The following NEB variants were observed in gnomAD, a reference collection of about 807,000 sequenced individuals.
NEB encodes the protein nebulin.
In NEB, 512 loss-of-function variants were observed where a neutral mutation model predicts 952.2. The ratio of observed to expected loss-of-function variants is 0.54; its 90% CI spans 0.50 to 0.58. The LOEUF (loss-of-function observed/expected upper bound fraction) is 0.58. Ranked by LOEUF, NEB falls within the 20% of genes least tolerant of loss-of-function variation. The probability of loss-of-function intolerance (pLI) is 0.00; values close to 1 mark genes in which losing one functional copy is unlikely to be tolerated. For missense variants in NEB, 8,428 were observed against 9,231.1 expected, an observed-to-expected ratio of 0.91 and a Z score of 3.56; for synonymous variants, 2,900 against 3,149.8, an observed-to-expected ratio of 0.92 and a Z score of 2.66.
chr2:151,615,928 C>G (rs891454067), intron 76 of NEB, 74 bp downstream of exon 76: 1 of 1,150,624 alleles, frequency 8.7e-7, no homozygotes, highest in South Asian at 1.4e-5. Flanking sequence ...AAATTTCTAG[C>G]AAGAAAAACT....
intron 64 of NEB, 25 bp downstream of exon 64, chr2:151,636,202 A>G: frequency 1.3e-6 from 2 of 1,568,806 alleles, no homozygotes; most frequent in South Asian, 1.1e-5. Flanking sequence ...TTGATCACAT[A>G]CTCAGAATGG....
At chr2:151,496,436 G>A (rs2060217404) in intron 172 of NEB, 68 bp from the exon 173 acceptor site, 10 of 1,521,664 alleles carry the variant, frequency 6.6e-6, no homozygotes, top group Non-Finnish European at 8.9e-6. Flanking sequence ...AGGTTTTAAG[G>A]GTAAGGTCAA....
chr2:151,726,439 A>G (rs540111651), intron 5 of NEB, among the ~76,000 whole-genome samples: 24 of 152,348 alleles, frequency 1.6e-4, no homozygotes, highest in Non-Finnish European at 1.5e-4. Flanking sequence ...GTATTGCTCA[A>G]CCTCAATAGG....
At chr2:151,698,766 T>A (rs1023862183) in intron 13 of NEB, among the ~76,000 whole-genome samples, 1 of 151,630 alleles carries the variant, frequency 6.6e-6, no homozygotes, top group African/African-American at 2.4e-5. Context: ...GCCTCCCGAG[T>A]AGCTGGGACT....
At chr2:151,620,347 GTA>G (rs71000481) in intron 72 of NEB, among the ~76,000 whole-genome samples, 3,458 of 47,882 alleles carry the variant, frequency 0.072, 53 homozygotes, top group South Asian at 0.085. Flanking sequence ...GTATGTGTGT[GTA>G]TATATATATA....
At position 151,540,737 on chromosome 2, in the gene NEB, G is replaced by A; in HGVS notation, c.20747C>T (p.Ala6916Val). The change falls in exon 137 of 182, where the codon GCC becomes GTC. Residue 6916 changes from alanine (A) to valine (V), a missense_variant. Physicochemically the swap from Ala to Val is moderately conservative, Grantham distance 64 (BLOSUM62 0). Around this residue, in one of 11 missense-constraint regions of NEB, gnomAD observed 3,374 missense variants for 3,651.5 expected, o/e 0.92. Coordinates refer to ENST00000397345, the MANE Select transcript of NEB (RefSeq NM_001164508.2). The part of the protein sequence containing the change: ...PHHHAGNQTT[A>V]LKHAKDVKDM... The stretch of plus-strand genomic sequence containing the variant: ...CTTCACGTCTTTAGCATGCTTCAAG[G>A]CTGTGGTCTGGTTTCCAGCGTGATG... 6.2e-7 allele frequency: 1 copy of A among 1,613,596 alleles called. No homozygotes were observed. The highest frequency in any genetic ancestry group is 8.5e-7 in the Non-Finnish European group (1 of 1,179,660).
chr2:151,655,850 C>G lies in NEB; in HGVS notation c.6669G>C (p.Val2223=). ...TGGTATGTGCATTCTGCTTGGCAAG[C>G]ACCATGTCCATGGAATCAGTCAGCT... is the stretch of plus-strand genomic sequence containing the variant. ...FKKLTDSMDM[V]LAKQNAHTMN... is the part of the protein sequence containing the mutation. Residue 2223 remains valine (V), a synonymous_variant, in exon 50 of 182, where the codon GTG becomes GTC. Transcript: ENST00000397345. 1 of 1,613,692 alleles carries G rather than the reference C, an allele frequency of 6.2e-7. No individual in the cohort carries two copies. The highest frequency in any genetic ancestry group is 8.5e-7 in the Non-Finnish European group (1 of 1,179,758).
At chr2:151,668,182 A>G (rs1361780944) in intron 39 of NEB, among the ~76,000 whole-genome samples, 1 of 152,178 alleles carries the variant, frequency 6.6e-6, no homozygotes. Context: ...TGACTGTTGG[A>G]TAACAGAAGG....
chr2:151,495,286 T>C (rs1186476261), intron 173 of NEB: 1 of 152,196 alleles, frequency 6.6e-6, no homozygotes, highest in East Asian at 1.9e-4. Context: ...AAGAATTCTG[T>C]TGAAATAGTG....
At chr2:151,504,055 A>G (rs2066900703) in intron 165 of NEB, among the ~76,000 whole-genome samples, 1 of 152,158 alleles carries the variant, frequency 6.6e-6, no homozygotes, top group Non-Finnish European at 1.5e-5. Context: ...ATTTTTTAGT[A>G]GTAGTATCTA....
intron 130 of NEB, 47 bp downstream of exon 130, chr2:151,549,589 T>C (rs755028230): frequency 8.7e-5 from 110 of 1,267,574 alleles, no homozygotes; most frequent in Non-Finnish European, 1.2e-4. Flanking sequence ...ATGAGTCTCC[T>C]GCCACCCCAC....
intron 153 of NEB, among the ~76,000 whole-genome samples, chr2:151,523,226 A>C (rs536803104): frequency 7.9e-4 from 121 of 152,318 alleles, no homozygotes; most frequent in African/African-American, 2.7e-3. Flanking sequence ...ATACTTATAC[A>C]ATTCCATTAA....
chr2:151,698,865 CTT>C (rs1245395824), intron 13 of NEB, among the ~76,000 whole-genome samples: 3 of 144,680 alleles, frequency 2.1e-5, no homozygotes, highest in African/African-American at 2.5e-5. Context: ...GTCTCCATCT[CTT>C]TTTTTTTTTT....
chr2:151,609,836 T>G lies in NEB; in HGVS notation c.12303A>C (p.Ala4101=), dbSNP rs1553882764. Residue 4101 remains alanine (A), a synonymous_variant, in exon 81 of 182, where the codon GCA becomes GCC. Transcript: ENST00000397345. The part of the protein sequence containing the change: ...CMPDQNDIIQ[A]KKAYDLQSDS... ...CACTCTGCAGGTCATAGGCCTTTTT[T>G]GCTTGGATAATGTCGTTTTGATCCG... The G allele has an allele frequency of 2.5e-6, 4 of 1,597,826 alleles. No homozygotes were observed. The highest frequency in any genetic ancestry group is 3.4e-6 in the Non-Finnish European group (4 of 1,170,566).
chr2:151,528,492 C>A (rs1057295394), intron 146 of NEB, among the ~76,000 whole-genome samples: 2 of 152,136 alleles, frequency 1.3e-5, no homozygotes, highest in Non-Finnish European at 2.9e-5. Context: ...ACTGCATTTG[C>A]TTTATCTCAC....
intron 71 of NEB, among the ~76,000 whole-genome samples, chr2:151,621,879 T>C (rs978842074): frequency 6.6e-6 from 1 of 152,240 alleles, no homozygotes; most frequent in Non-Finnish European, 1.5e-5. Flanking sequence ...ATAATAATTT[T>C]TAAACATAAA....
chr2:151,687,291 C>T (rs1202787643), intron 27 of NEB, 128 bp downstream of exon 27: 1 of 768,460 alleles, frequency 1.3e-6, no homozygotes, highest in South Asian at 1.8e-5. Flanking sequence ...AAGTTCTCTA[C>T]AGCAGTACTT....
Position 151,627,610 on chromosome 2 carries a change from G to C in NEB, c.10056C>G (p.Asp3352Glu), listed in dbSNP as rs1344960458. 3 of 1,613,996 alleles carry C rather than the reference G, an allele frequency of 1.9e-6. No homozygotes were observed. The East Asian group carries it at 6.7e-5, about 36-fold the overall frequency. The change falls in exon 69 of 182, where the codon GAC becomes GAG. Residue 3352 changes from aspartate to glutamate, a missense_variant. Transcript: ENST00000397345. ...TCCACTCGTGCAGGTAGTTCTTGTA[G>C]TCCACATCGCTGACTAAGGTCTGGC... ...KKCQTLVSDVDYKNYLHEWTC... is the reference protein window; with the variant it reads ...KKCQTLVSDVEYKNYLHEWTC...
At chr2:151,624,336 A>G (rs1262677693) in intron 71 of NEB, among the ~76,000 whole-genome samples, 1 of 152,140 alleles carries the variant, frequency 6.6e-6, no homozygotes, top group African/African-American at 2.4e-5. Flanking sequence ...GTCTGAAAAA[A>G]AAATCTACTT....
Sources: gnomAD v4.1 joint callset for allele counts (sites outside exome capture counted in the v4.1 genomes callset) on GRCh38, gnomAD v4.1.1 for gene constraint, gnomAD v4.1.1 regional missense constraint, MANE v1.5 for transcripts, NCBI Gene and HGNC (gene_info 2026-07-23, HGNC 2026-07-21) for gene names.